RYR1: variants seen among roughly 807,000 people sequenced by gnomAD.
RYR1 encodes the protein central core disease of muscle.
In RYR1, 342 loss-of-function variants were observed where a neutral mutation model predicts 583.5. That is an observed-to-expected ratio of 0.59 (90% confidence interval 0.54 to 0.64). The LOEUF (loss-of-function observed/expected upper bound fraction) is 0.64, where lower values mean the gene tolerates loss of function less well. Among genes scored for constraint, RYR1 ranks in the 30% least tolerant of loss-of-function variants. The probability of loss-of-function intolerance (pLI) is 0.00; values close to 1 mark genes in which losing one functional copy is unlikely to be tolerated. For missense variants in RYR1, 6,032 were observed against 6,917.2 expected, an observed-to-expected ratio of 0.87 and a Z score of 4.54; for synonymous variants, 2,791 against 2,822.5, an observed-to-expected ratio of 0.99 and a Z score of 0.35.
chr19:38,526,141 G>A (rs1971457617), intron 71 of RYR1, among the ~76,000 whole-genome samples: 1 of 151,892 alleles, frequency 6.6e-6, no homozygotes. Flanking sequence ...AACCTCTGAG[G>A]TCTCAACTGT....
At chr19:38,544,318 G>T (rs1972333570) in intron 87 of RYR1, among the ~76,000 whole-genome samples, 1 of 152,062 alleles carries the variant, frequency 6.6e-6, no homozygotes, top group African/African-American at 2.4e-5. Flanking sequence ...ATGATGTAAG[G>T]TCCCTGTTGA....
chr19:38,478,355 C>T, intron 30 of RYR1, 80 bp from the exon 31 acceptor site: 1 of 1,521,972 alleles, frequency 6.6e-7, no homozygotes, highest in South Asian at 1.1e-5. Context: ...TTGTGTGTTT[C>T]CGGGAGCTTG....
chr19:38,451,931 A>G, intron 12 of RYR1, 46 bp downstream of exon 12: 1 of 1,613,460 alleles, frequency 6.2e-7, no homozygotes, highest in Non-Finnish European at 8.5e-7. Flanking sequence ...GTGCTGTCCC[A>G]TGCTCCGGGC....
At chr19:38,475,103 C>T (rs545906227) in intron 28 of RYR1, among the ~76,000 whole-genome samples, 17 of 152,172 alleles carry the variant, frequency 1.1e-4, no homozygotes, top group Non-Finnish European at 2.2e-4. Context: ...TCCCAGAAGG[C>T]GCCTTTAATT....
At chr19:38,461,302 C>T (rs111480924) in intron 20 of RYR1, among the ~76,000 whole-genome samples, 28 of 152,100 alleles carry the variant, frequency 1.8e-4, no homozygotes, top group African/African-American at 6.5e-4. Flanking sequence ...CAAATTTAGA[C>T]AATTTTTTAA....
At chr19:38,477,656 G>A (rs201208061) in intron 29 of RYR1, 54 bp from the exon 30 acceptor site, 42 of 1,612,860 alleles carry the variant, frequency 2.6e-5, no homozygotes, top group Non-Finnish European at 3.5e-5. Flanking sequence ...GTCCCAGGGA[G>A]CCCGAGTCCC....
Position 38,502,592 on chromosome 19 carries a change from C to T in RYR1, c.7700C>T (p.Pro2567Leu), listed in dbSNP as rs768399513. ...CTGCCGCTCATCACCAAGTGTGCGC[C>T]GCTCTTTGCGGGCACAGAACACCGC... ...AVLPLITKCAPLFAGTEHRAI... is the reference protein window; with the variant it reads ...AVLPLITKCALLFAGTEHRAI... The change falls in exon 48 of 106, where the codon CCG becomes CTG. Residue 2567 changes from proline to leucine, a missense_variant. Physicochemically the swap from Pro to Leu is moderately conservative, Grantham distance 98. Coordinates refer to ENST00000359596, the MANE Select transcript of RYR1 (RefSeq NM_000540.3). The T allele has an allele frequency of 3.1e-6, 5 of 1,612,726 alleles. No individual in the cohort carries two copies. The East Asian group carries it at 6.7e-5, about 22-fold the overall frequency.
In RYR1 at chr19:38,478,732, G is replaced by A. The variant is rs1052965494; in HGVS notation, c.4620+132G>A. The A allele has an allele frequency of 2.3e-5, 22 of 965,988 alleles. No homozygotes were observed. In the East Asian group the frequency reaches 4.0e-4, roughly 18 times the overall value. 59.8% of individuals were successfully genotyped at this position (965,988 alleles called of 1,614,324 possible). On this transcript the variant is annotated intron_variant, in intron 31 of 105. Transcript: ENST00000359596. Reference sequence around the variant, plus strand: ...GCTCCTAGGCTGTCCTCAAGAGGTCGCTGGGAGACCACCTTGTTGAAACTT... The same window carrying A: ...GCTCCTAGGCTGTCCTCAAGAGGTCACTGGGAGACCACCTTGTTGAAACTT...
intron 47 of RYR1, 119 bp from the exon 48 acceptor site, chr19:38,502,388 G>A: frequency 3.3e-6 from 3 of 904,624 alleles, no homozygotes; most frequent in East Asian, 2.6e-5. Context: ...AGATTGGGAG[G>A]AGCAGGTTTT....
At chr19:38,460,269 C>T in intron 19 of RYR1, 106 bp from the exon 20 acceptor site, 3 of 1,067,246 alleles carry the variant, frequency 2.8e-6, no homozygotes, top group Non-Finnish European at 2.9e-6. Context: ...CTTTGGTCTC[C>T]CCAGAACTTT....
intron 66 of RYR1, 102 bp from the exon 67 acceptor site, chr19:38,519,112 G>A: frequency 6.3e-7 from 1 of 1,588,948 alleles, no homozygotes; most frequent in Non-Finnish European, 8.6e-7. Flanking sequence ...TCAAATGGCA[G>A]CTGCTAGGTT....
chr19:38,504,436 C>G, intron 50 of RYR1, 76 bp downstream of exon 50: 1 of 1,568,366 alleles, frequency 6.4e-7, no homozygotes, highest in Non-Finnish European at 8.7e-7. Context: ...AGAGTGAAAT[C>G]CCTCAATTTT....
At chr19:38,539,662 G>C (rs541930983) in intron 84 of RYR1, among the ~76,000 whole-genome samples, 1 of 152,150 alleles carries the variant, frequency 6.6e-6, no homozygotes, top group African/African-American at 2.4e-5. Context: ...AGGGATTGCT[G>C]TCTCCCAACA....
chr19:38,568,747 G>C (rs1973564508), intron 93 of RYR1, among the ~76,000 whole-genome samples: 2 of 124,912 alleles, frequency 1.6e-5, no homozygotes, highest in Admixed American at 9.7e-5. Flanking sequence ...GTGAGACTCT[G>C]CCTCAAACAA....
Position 38,496,405 on chromosome 19 carries a change from C to G in RYR1, c.6664-4C>G. ...GCAGGCCCTGACCACCCTGCCTGTC[C>G]CAGGAGATCCGCTTCCCCAAGATGG... On this transcript the variant is annotated splice_region_variant and splice_polypyrimidine_tract_variant and intron_variant, in intron 40 of 105. Coordinates refer to ENST00000359596, the MANE Select transcript of RYR1 (RefSeq NM_000540.3). The surrounding 1 kb of genome is among the most constrained non-coding windows in gnomAD (Gnocchi z 4.8). 2 of 1,613,838 alleles carry G rather than the reference C, an allele frequency of 1.2e-6. No individual in the cohort carries two copies. The highest frequency in any genetic ancestry group is 2.2e-5 in the South Asian group (2 of 91,088).
At chr19:38,570,868 T>G (rs964607568) in intron 94 of RYR1, among the ~76,000 whole-genome samples, 175 bp downstream of exon 94, 15 of 151,322 alleles carry the variant, frequency 9.9e-5, no homozygotes, top group Non-Finnish European at 1.9e-4. Flanking sequence ...TCCATGGGGG[T>G]GAGTAGGGGA....
intron 29 of RYR1, among the ~76,000 whole-genome samples, chr19:38,477,229 G>T (rs1335293185): frequency 6.6e-6 from 1 of 151,950 alleles, no homozygotes; most frequent in African/African-American, 2.4e-5. Context: ...TGCAACCTCT[G>T]CCTCCCAGGT....
intron 78 of RYR1, among the ~76,000 whole-genome samples, chr19:38,534,005 AT>A (rs71165556): frequency 0.11 from 13,922 of 127,360 alleles, 482 homozygotes; most frequent in South Asian, 0.21. Flanking sequence ...ACCATCTGTA[AT>A]TTTTTTTTTT....
Position 38,506,455 on chromosome 19 carries a change from C to A in RYR1, c.8617-16C>A. 6.2e-7 allele frequency: 1 copy of A among 1,614,086 alleles called. No individual in the cohort carries two copies. The highest frequency in any genetic ancestry group is 8.5e-7 in the Non-Finnish European group (1 of 1,180,002). ...CATCCTCTGAATCTAGCCCTTGACT[C>A]TGCATCCACTCCCAGGCCATGGCAG... On this transcript the variant is annotated splice_polypyrimidine_tract_variant and intron_variant, in intron 55 of 105. Transcript: ENST00000359596.
Sources: allele counts gnomAD v4.1 joint callset (sites outside exome capture counted in the v4.1 genomes callset), GRCh38; gene constraint gnomAD v4.1.1; non-coding constraint Gnocchi (gnomAD v3.1); transcripts MANE v1.5; gene names NCBI Gene and HGNC (gene_info 2026-07-23, HGNC 2026-07-21).